The following PARP15 variants were observed in gnomAD, a reference collection of about 807,000 sequenced individuals.
The protein encoded by PARP15 is protein mono-ADP-ribosyltransferase PARP15.
PARP15 carries 50 observed loss-of-function variants against 62.1 expected under a neutral mutation model. That is an observed-to-expected ratio of 0.81 (90% CI 0.64 to 1.02). The LOEUF is 1.02. Ranked by LOEUF, PARP15 falls within the 50% of genes least tolerant of loss-of-function variation. PARP15 has a pLI of 0.00. For synonymous variants in PARP15, 309 were observed against 293.1 expected, an observed-to-expected ratio of 1.05 and a Z score of -0.55; for missense variants, 820 against 826.5, an observed-to-expected ratio of 0.99 and a Z score of 0.10.
At chr3:122,598,188 C>G (rs565587205) in intron 1 of PARP15, among the ~76,000 whole-genome samples, 7 of 152,286 alleles carry the variant, frequency 4.6e-5, no homozygotes, top group Admixed American at 3.3e-4. Context: ...TCTCTACCAG[C>G]CTGCCTCCTC....
chr3:122,618,416 A>T (rs1936127636), intron 6 of PARP15, among the ~76,000 whole-genome samples: 1 of 152,210 alleles, frequency 6.6e-6, no homozygotes, highest in Non-Finnish European at 1.5e-5. Flanking sequence ...GACGATGGGG[A>T]GCTGCTAGCC....
rs1937420484 is a variant in PARP15 at position 122,637,210 on chromosome 3, AC to A, written c.*1114del. ...GTGACAATGATGCTAGAGGTCACCT[AC>A]CCCACTGTCCTCTTGTCCTTCTCCC... On this transcript the variant is annotated 3_prime_UTR_variant, in exon 12 of 12. Coordinates refer to ENST00000464300, the MANE Select transcript of PARP15 (RefSeq NM_001113523.3). 6.6e-6 allele frequency: 1 copy of A among 152,010 alleles called. No homozygotes were observed. Among genetic ancestry groups the A allele is most frequent in the South Asian group, 2.1e-4 (1 of 4,818 alleles). 9.4% of individuals were successfully genotyped at this position (152,010 alleles called of 1,614,324 possible). A position where few individuals can be genotyped will look rare whatever the true frequency, so the allele number is the denominator to read the frequency against.
chr3:122,596,698 C>T (rs1934382424), intron 1 of PARP15, among the ~76,000 whole-genome samples: 1 of 152,016 alleles, frequency 6.6e-6, no homozygotes, highest in East Asian at 1.9e-4. Flanking sequence ...CACAAAATAG[C>T]TTATACTTAT....
chr3:122,604,800 G>A (rs1015990019), intron 1 of PARP15, among the ~76,000 whole-genome samples: 3 of 152,170 alleles, frequency 2.0e-5, no homozygotes, highest in African/African-American at 7.2e-5. Flanking sequence ...GGCAGAGGTT[G>A]CAGTGAGCCA....
At chr3:122,602,443 A>G (rs1263053602) in intron 1 of PARP15, among the ~76,000 whole-genome samples, 1 of 152,184 alleles carries the variant, frequency 6.6e-6, no homozygotes, top group Non-Finnish European at 1.5e-5. Context: ...CGAAAAACAT[A>G]TTCTAGCTTA....
At chr3:122,589,629 G>A (rs1170807167) in intron 1 of PARP15, among the ~76,000 whole-genome samples, 6 of 152,046 alleles carry the variant, frequency 3.9e-5, no homozygotes, top group East Asian at 1.9e-4. Flanking sequence ...AATGGCTAAC[G>A]ATGTTGTGCA....
rs183346546 is a variant in PARP15 at position 122,600,149 on chromosome 3, T to A, written c.187-5787T>A. 8.1e-4 allele frequency among the ~76,000 whole-genome samples: 124 copies of A among 152,322 alleles called. 1 individual carries two copies. The highest frequency in any genetic ancestry group is 2.8e-3 in the African/African-American group (115 of 41,562). ...AAGTATTTCACTCTTTCATTTTCACTGTCCTTCATTGCTATCACCTCTGAC... is the reference window on the plus strand; with the variant it reads ...AAGTATTTCACTCTTTCATTTTCACAGTCCTTCATTGCTATCACCTCTGAC... On this transcript the variant is annotated intron_variant, in intron 1 of 11. Transcript: ENST00000464300.
At chr3:122,618,851 C>T (rs1184232452) in intron 6 of PARP15, among the ~76,000 whole-genome samples, 2 of 152,126 alleles carry the variant, frequency 1.3e-5, no homozygotes, top group African/African-American at 2.4e-5. Flanking sequence ...CACTGAAGCC[C>T]GCTGGTCAAC....
At chr3:122,605,695 T>C (rs1369605281) in intron 1 of PARP15, among the ~76,000 whole-genome samples, 1 of 152,216 alleles carries the variant, frequency 6.6e-6, no homozygotes, top group Non-Finnish European at 1.5e-5. Context: ...TATCTCAGCC[T>C]CCTAAGTAGT....
At position 122,638,864 on chromosome 3, in the gene PARP15, T is replaced by C. The variant is rs972774724; in HGVS notation, c.*2764T>C. ...ATTACAAGTTGTTCTCTTGTGTTCT[T>C]ATTTTTTCTGTAAACATAATTTTAA... On this transcript the variant is annotated 3_prime_UTR_variant, in exon 12 of 12. Coordinates refer to ENST00000464300, the MANE Select transcript of PARP15 (RefSeq NM_001113523.3). The C allele has an allele frequency of 6.6e-5, 10 of 152,192 alleles. No individual in the cohort carries two copies. Among genetic ancestry groups the C allele is most frequent in the African/African-American group, 2.2e-4 (9 of 41,458 alleles). The allele number at this position is 152,192 out of a possible 1,614,324, so 9.4% of individuals were successfully genotyped here.
chr3:122,634,269 C>T (rs1006450592), intron 10 of PARP15, among the ~76,000 whole-genome samples: 7 of 152,162 alleles, frequency 4.6e-5, no homozygotes, highest in Admixed American at 1.3e-4. Flanking sequence ...CATCCCTTAT[C>T]ACTCTGAGCA....
chr3:122,596,354 C>CAAAAAA (rs35559014), intron 1 of PARP15, among the ~76,000 whole-genome samples: 2 of 46,896 alleles, frequency 4.3e-5, no homozygotes, highest in African/African-American at 8.9e-5. Context: ...GACTCCATCT[C>CAAAAAA]AAAAAAAAAA....
intron 10 of PARP15, among the ~76,000 whole-genome samples, 175 bp downstream of exon 10, chr3:122,632,394 T>C (rs1428371474): frequency 6.6e-6 from 1 of 152,212 alleles, no homozygotes; most frequent in Non-Finnish European, 1.5e-5. Flanking sequence ...TTAGCAGTAA[T>C]GAAGGAGATT....
chr3:122,598,464 C>G (rs566521873), intron 1 of PARP15, among the ~76,000 whole-genome samples: 1 of 152,246 alleles, frequency 6.6e-6, no homozygotes, highest in Non-Finnish European at 1.5e-5. Context: ...TGGCTCCTGT[C>G]AGACACTACA....
At chr3:122,633,136 A>C (rs1056943164) in intron 10 of PARP15, among the ~76,000 whole-genome samples, 1 of 152,166 alleles carries the variant, frequency 6.6e-6, no homozygotes, top group Admixed American at 6.5e-5. Flanking sequence ...ACATTACAGC[A>C]CTTATAAGGT....
At chr3:122,622,706 A>T (rs1211513279) in intron 8 of PARP15, among the ~76,000 whole-genome samples, 1 of 152,176 alleles carries the variant, frequency 6.6e-6, no homozygotes, top group African/African-American at 2.4e-5. Flanking sequence ...CACAGTTTCT[A>T]GGAACGCTTT....
chr3:122,608,942 A>G (rs1408781083), intron 2 of PARP15, among the ~76,000 whole-genome samples: 1 of 151,788 alleles, frequency 6.6e-6, no homozygotes, highest in Non-Finnish European at 1.5e-5. Flanking sequence ...AATTGTAGAG[A>G]CAAAGTCTCA....
intron 4 of PARP15, among the ~76,000 whole-genome samples, chr3:122,613,947 GCAATCCTCC>G (rs1935763747): frequency 1.3e-5 from 2 of 150,654 alleles, no homozygotes; most frequent in South Asian, 4.2e-4. Flanking sequence ...CTGGGCTCAA[GCAATCCTCC>G]CATCTTAGCC....
At chr3:122,629,796 C>T (rs12638269) in intron 9 of PARP15, among the ~76,000 whole-genome samples, 23,082 of 152,114 alleles carry the variant, frequency 0.15, 2,187 homozygotes, top group East Asian at 0.48. Context: ...GCATTAGATT[C>T]TCATTAGGAG....
Sources: gnomAD v4.1 joint callset for allele counts (sites outside exome capture counted in the v4.1 genomes callset) on GRCh38, gnomAD v4.1.1 for gene constraint, MANE v1.5 for transcripts, NCBI Gene and HGNC (gene_info 2026-07-23, HGNC 2026-07-21) for gene names.